SLC25A19: variants seen among roughly 807,000 people sequenced by gnomAD.
SLC25A19 encodes the protein mitochondrial thiamine pyrophosphate carrier.
In SLC25A19, 18 loss-of-function variants were observed where a neutral mutation model predicts 27.9. The observed-to-expected ratio is 0.64, with a 90% CI of 0.45 to 0.96. The LOEUF (loss-of-function observed/expected upper bound fraction) is 0.96, where lower values mean the gene tolerates loss of function less well. SLC25A19 is among the 40% of genes least tolerant of loss of function. The pLI, the probability that SLC25A19 is intolerant of heterozygous loss-of-function variation, is 0.00. For missense variants in SLC25A19, 371 were observed against 418.3 expected, an observed-to-expected ratio of 0.89 and a Z score of 0.99; for synonymous variants, 169 against 167.1, an observed-to-expected ratio of 1.01 and a Z score of -0.09.
At chr17:75,273,901 C>G (rs2077793547) in intron 7 of SLC25A19, 8 of 414,598 alleles carry the variant, frequency 1.9e-5, no homozygotes, top group South Asian at 1.7e-4. Context: ...GCTGGGATTA[C>G]AGGCACACAA....
chr17:75,288,519 G>C lies in SLC25A19; in HGVS notation c.-56C>G, dbSNP rs760016367. 1 of 151,992 alleles carries C rather than the reference G, an allele frequency of 6.6e-6. No homozygotes were observed. Among genetic ancestry groups the C allele is most frequent in the Non-Finnish European group, 1.5e-5 (1 of 68,016 alleles). 9.4% of individuals were successfully genotyped at this position (151,992 alleles called of 1,614,324 possible). On this transcript the variant is annotated 5_prime_UTR_variant, in exon 2 of 8. Transcript: ENST00000416858. ...ATACCTACATACGGTCTGTAGAGTTGTACAAAGCATAGAAAGAAGTCTGTA... is the reference window on the plus strand; with the variant it reads ...ATACCTACATACGGTCTGTAGAGTTCTACAAAGCATAGAAAGAAGTCTGTA...
chr17:75,278,296 T>TA lies in SLC25A19; in HGVS notation c.498dup (p.Arg167Ter). ...TAGAAAACCTGGGGGCCTTCGCTCCTATACATGGTCCCCACGGCGTGGCGC... is the reference window on the plus strand; with the variant it reads ...TAGAAAACCTGGGGGCCTTCGCTCCTAATACATGGTCCCCACGGCGTGGCGC... On this transcript the variant is annotated frameshift_variant, in exon 6 of 8. Transcript: ENST00000416858. LOFTEE classifies it high-confidence loss of function. The TA allele has an allele frequency of 6.2e-7, 1 of 1,614,156 alleles. No homozygotes were observed. The highest frequency in any genetic ancestry group is 8.5e-7 in the Non-Finnish European group (1 of 1,180,034).
intron 2 of SLC25A19, chr17:75,287,011 G>A: frequency 2.1e-6 from 1 of 481,980 alleles, no homozygotes; most frequent in South Asian, 2.1e-5. Flanking sequence ...GACCAGCCTG[G>A]GCAACACTGC....
chr17:75,288,254 C>T (rs2145790640), intron 2 of SLC25A19: 1 of 152,380 alleles, frequency 6.6e-6, no homozygotes, highest in East Asian at 1.9e-4. Flanking sequence ...CCCCTTCCCT[C>T]ATTTAACCAG....
intron 4 of SLC25A19, 107 bp downstream of exon 4, chr17:75,286,197 C>A: frequency 2.1e-6 from 3 of 1,409,966 alleles, no homozygotes; most frequent in Non-Finnish European, 3.0e-6. Flanking sequence ...GTGGGGCCTG[C>A]CTCTTCCGTC....
chr17:75,286,365 G>A lies in SLC25A19; in HGVS notation c.227C>T (p.Thr76Ile). ...SRQILQEEGPTAFWKGHVPAQ... is the reference protein window; with the variant it reads ...SRQILQEEGPIAFWKGHVPAQ... The stretch of plus-strand genomic sequence containing the variant: ...TGGGACGTGTCCTTTCCAGAAAGCT[G>A]TCGGACCCTCCTCCTGCAGAATCTG... Residue 76 changes from threonine (T) to isoleucine (I), a missense_variant, in exon 4 of 8, where the codon ACA (threonine) becomes ATA (isoleucine). Transcript: ENST00000416858. 6.2e-7 allele frequency: 1 copy of A among 1,614,146 alleles called. No homozygotes were observed. Among genetic ancestry groups the A allele is most frequent in the Non-Finnish European group, 8.5e-7 (1 of 1,180,038 alleles).
chr17:75,281,534 G>C (rs758197819), intron 5 of SLC25A19, among the ~76,000 whole-genome samples: 8 of 152,044 alleles, frequency 5.3e-5, no homozygotes, highest in Middle Eastern at 6.8e-3. Flanking sequence ...CTGTCTCTAC[G>C]AAAAATATAA....
At chr17:75,279,666 G>A (rs11077783) in intron 5 of SLC25A19, among the ~76,000 whole-genome samples, 99,631 of 151,862 alleles carry the variant, frequency 0.66, 33,086 homozygotes, top group East Asian at 0.87. Context: ...CTGACACCAC[G>A]CCCAACTAAT....
intron 4 of SLC25A19, 125 bp downstream of exon 4, chr17:75,286,179 T>G (rs1598197267): frequency 1.7e-6 from 2 of 1,185,268 alleles, no homozygotes. Flanking sequence ...GTGAGGCAGG[T>G]GGGAAGCGTG....
rs780528476 is a variant in SLC25A19, at chr17:75,273,338, C to G, written c.*113G>C. The G allele has an allele frequency of 1.4e-4, 172 of 1,262,454 alleles. No homozygotes were observed. Among genetic ancestry groups the G allele is most frequent in the Non-Finnish European group, 1.7e-4 (157 of 900,294 alleles). 78.2% of individuals were successfully genotyped at this position (1,262,454 alleles called of 1,614,324 possible). ...CTGGGTGGGTTCAAGGCTGCTACCC[C>G]GCTTGGGGCAGCTGGCCTGCAGGGA... On this transcript the variant is annotated 3_prime_UTR_variant, in exon 8 of 8. Transcript: ENST00000416858.
intron 6 of SLC25A19, 111 bp from the exon 7 acceptor site, chr17:75,277,594 G>T: frequency 3.9e-6 from 5 of 1,298,038 alleles, no homozygotes; most frequent in Non-Finnish European, 5.5e-6. Context: ...CCCCACAAGC[G>T]CACTTCTATC....
rs2077779186 is a variant in SLC25A19 at position 75,273,468 on chromosome 17, T to G, written c.946A>C (p.Thr316Pro). 1 of 1,614,040 alleles carries G rather than the reference T, an allele frequency of 6.2e-7. No individual in the cohort carries two copies. The highest frequency in any genetic ancestry group is 8.5e-7 in the Non-Finnish European group (1 of 1,180,016). ...FCNVFHCMNR[T>P]ASQR ...TCCTGCACTCAGCGCTGGCTGGCTGTCCTGTTCATGCAGTGGAAGACATTA... is the reference window on the plus strand; with the variant it reads ...TCCTGCACTCAGCGCTGGCTGGCTGGCCTGTTCATGCAGTGGAAGACATTA... Residue 316 changes from threonine to proline, a missense_variant, in exon 8 of 8, where the codon ACA (threonine) becomes CCA (proline). By Grantham distance (38) the Thr-to-Pro change is conservative. Transcript: ENST00000416858.
At chr17:75,278,410 C>T in intron 5 of SLC25A19, 75 bp from the exon 6 acceptor site, 1 of 1,546,188 alleles carries the variant, frequency 6.5e-7, no homozygotes, top group Admixed American at 1.7e-5. Context: ...ATAGCTCTGT[C>T]CCCTCGCCTA....
intron 5 of SLC25A19, 99 bp downstream of exon 5, chr17:75,283,324 C>G (rs963726102): frequency 1.1e-5 from 14 of 1,308,970 alleles, no homozygotes; most frequent in Non-Finnish European, 9.2e-6. Flanking sequence ...CAGAACAAAA[C>G]AAAAATAAAT....
At chr17:75,276,873 T>C (rs534961461) in intron 7 of SLC25A19, among the ~76,000 whole-genome samples, 142 of 147,854 alleles carry the variant, frequency 9.6e-4, no homozygotes, top group African/African-American at 3.4e-3. Context: ...TTAGTAGAGA[T>C]GGGCTTTCAC....
rs769187207 is a variant in SLC25A19 at position 75,278,245 on chromosome 17, C to T, written c.550G>A (p.Ala184Thr). 4 of 1,613,940 alleles carry T rather than the reference C, an allele frequency of 2.5e-6. No individual in the cohort carries two copies. Among genetic ancestry groups the T allele is most frequent in the East Asian group, 4.5e-5 (2 of 44,874 alleles). The change falls in exon 6 of 8, where the codon GCC becomes ACC. Residue 184 changes from alanine to threonine, a missense_variant. Ala to Thr is a moderately conservative substitution (Grantham distance 58). Coordinates refer to ENST00000416858, the MANE Select transcript of SLC25A19 (RefSeq NM_001126121.2). ...TGCAGCCCGGCGTAGGGGAAGATGG[C>T]GATCAAGGTGGGAGCCAAGCCTTTG... ...FYKGLAPTLI[A>T]IFPYAGLQFS...
chr17:75,283,554 C>A lies in SLC25A19; in HGVS notation c.328G>T (p.Gly110Cys). The A allele has an allele frequency of 6.2e-7, 1 of 1,613,734 alleles. No individual in the cohort carries two copies. The highest frequency in any genetic ancestry group is 8.5e-7 in the Non-Finnish European group (1 of 1,179,856). ...AATTCCCGGGCGTCATACACGCTGC[C>A]TCTGTGGACCAGCTCCGTCAGCATT... ...FEMLTELVHR[G>C]SVYDAREFSV... Residue 110 changes from glycine (G) to cysteine (C), a missense_variant, in exon 5 of 8, where the codon GGC becomes TGC. Gly to Cys is a radical substitution (Grantham distance 159, BLOSUM62 -3). Coordinates refer to ENST00000416858, the MANE Select transcript of SLC25A19 (RefSeq NM_001126121.2).
At chr17:75,276,363 C>T (rs535919821) in intron 7 of SLC25A19, among the ~76,000 whole-genome samples, 1 of 152,276 alleles carries the variant, frequency 6.6e-6, no homozygotes, top group African/African-American at 2.4e-5. Context: ...AGCAAAACCC[C>T]TTTTCTGTGT....
At chr17:75,283,226 G>T (rs1336148572) in intron 5 of SLC25A19, among the ~76,000 whole-genome samples, 197 bp downstream of exon 5, 1 of 144,150 alleles carries the variant, frequency 6.9e-6, no homozygotes, top group Non-Finnish European at 1.5e-5. Flanking sequence ...GCTTGAACTC[G>T]GGAGGTGGAG....
Sources: allele counts gnomAD v4.1 joint callset (sites outside exome capture counted in the v4.1 genomes callset), GRCh38; gene constraint gnomAD v4.1.1; transcripts MANE v1.5; gene names NCBI Gene and HGNC (gene_info 2026-07-23, HGNC 2026-07-21).